ASCC3: variants seen among roughly 807,000 people sequenced by gnomAD.
The protein encoded by ASCC3 is activating signal cointegrator 1 complex subunit 3.
In ASCC3, 158 loss-of-function variants were observed where a neutral mutation model predicts 256.3. That is an observed-to-expected ratio of 0.62 (90% CI 0.54 to 0.70). The LOEUF (loss-of-function observed/expected upper bound fraction) is 0.70. Ranked by LOEUF, ASCC3 falls within the 30% of genes least tolerant of loss-of-function variation. The probability of loss-of-function intolerance (pLI) is 0.00; values close to 1 mark genes in which losing one functional copy is unlikely to be tolerated. For synonymous variants in ASCC3, 948 were observed against 883.4 expected (o/e 1.07, Z -1.30); for missense variants, 2,259 against 2,626.0 (o/e 0.86, Z 3.05).
chr6:100,805,843 A>T lies in ASCC3; in HGVS notation c.839T>A (p.Ile280Asn). The T allele has an allele frequency of 6.2e-7, 1 of 1,611,626 alleles. No homozygotes were observed. Among genetic ancestry groups the T allele is most frequent in the African/African-American group, 1.3e-5 (1 of 74,938 alleles). Reference sequence around the variant, plus strand: ...AATTCTGTTCTGGAGGAGTTTCTCAATAAGTTCAAGTCCTTCAGGTCCCAG... The same window carrying T: ...AATTCTGTTCTGGAGGAGTTTCTCATTAAGTTCAAGTCCTTCAGGTCCCAG... ...ELLGPEGLEL[I>N]EKLLQNRITI... Residue 280 changes from isoleucine to asparagine, a missense_variant, in exon 5 of 42, where the codon ATT (isoleucine) becomes AAT (asparagine). Ile to Asn is a moderately radical substitution (Grantham distance 149). This residue lies in a region of ASCC3 where 420 missense variants were observed against 419.3 expected (regional missense o/e 1.00). Coordinates refer to ENST00000369162, the MANE Select transcript of ASCC3 (RefSeq NM_006828.4).
At chr6:100,660,839 C>A (rs1776156950) in intron 16 of ASCC3, among the ~76,000 whole-genome samples, 2 of 151,718 alleles carry the variant, frequency 1.3e-5, no homozygotes, top group Non-Finnish European at 3.0e-5. Flanking sequence ...AATCCTTCTA[C>A]AGAACTGTCT....
intron 2 of ASCC3, among the ~76,000 whole-genome samples, chr6:100,865,723 T>A (rs1333033528): frequency 2.0e-5 from 3 of 152,108 alleles, no homozygotes; most frequent in Non-Finnish European, 4.4e-5. Context: ...TAGATTCAAA[T>A]GAGTCAGCAA....
At chr6:100,681,315 T>A (rs991015377) in intron 13 of ASCC3, among the ~76,000 whole-genome samples, 5 of 152,094 alleles carry the variant, frequency 3.3e-5, no homozygotes, top group African/African-American at 1.2e-4. Flanking sequence ...CTGCAAGTCA[T>A]CAGGAGAAAT....
chr6:100,512,589 C>G (rs1309001693), intron 40 of ASCC3, 120 bp downstream of exon 40: 49 of 1,053,688 alleles, frequency 4.7e-5, no homozygotes, highest in Non-Finnish European at 6.8e-5. Flanking sequence ...CTGCTTAAGA[C>G]CAGTTGAGAA....
chr6:100,864,016 C>G, intron 3 of ASCC3, 48 bp downstream of exon 3: 1 of 1,404,102 alleles, frequency 7.1e-7, no homozygotes, highest in Non-Finnish European at 9.6e-7. Context: ...TGTTTTTGAA[C>G]CTTACTGGTT....
chr6:100,743,941 T>C, intron 10 of ASCC3, among the ~76,000 whole-genome samples: 1 of 152,206 alleles, frequency 6.6e-6, no homozygotes, highest in East Asian at 1.9e-4. Context: ...ATTACCATCA[T>C]GCAGGGTTTT....
At chr6:100,715,731 A>G (rs1779060447) in intron 12 of ASCC3, among the ~76,000 whole-genome samples, 198 bp from the exon 13 acceptor site, 1 of 151,744 alleles carries the variant, frequency 6.6e-6, no homozygotes, top group South Asian at 2.1e-4. Context: ...GTACAAATAG[A>G]GTAACTCAGA....
chr6:100,585,429 A>G (rs1289002980), intron 36 of ASCC3, among the ~76,000 whole-genome samples: 1 of 152,180 alleles, frequency 6.6e-6, no homozygotes, highest in Non-Finnish European at 1.5e-5. Flanking sequence ...TTTCAGCTCC[A>G]TCAGCTCCTT....
chr6:100,655,745 A>T lies in ASCC3; in HGVS notation c.2777T>A (p.Met926Lys). The T allele has an allele frequency of 6.2e-7, 1 of 1,611,814 alleles. No individual in the cohort carries two copies. ...GCCATATGCTAATGGATTTGCTCTCATCCGTACATAAAGATAAGTGTAACT... is the reference window on the plus strand; with the variant it reads ...GCCATATGCTAATGGATTTGCTCTCTTCCGTACATAAAGATAAGTGTAACT... ...WISYTYLYVR[M>K]RANPLAYGIS... is the part of the protein sequence containing the mutation. Residue 926 changes from methionine to lysine, a missense_variant, in exon 17 of 42, where the codon ATG becomes AAG. Met to Lys is a moderately conservative substitution (Grantham distance 95). This residue lies in a region of ASCC3 where 1,839 missense variants were observed against 2,206.7 expected (regional missense o/e 0.83). Transcript: ENST00000369162.
intron 1 of ASCC3, among the ~76,000 whole-genome samples, chr6:100,876,275 T>C (rs1303475164): frequency 6.6e-6 from 1 of 152,156 alleles, no homozygotes; most frequent in Non-Finnish European, 1.5e-5. Context: ...ATTTGAGATA[T>C]GCTAAGACTG....
intron 37 of ASCC3, among the ~76,000 whole-genome samples, chr6:100,533,778 CT>C (rs1775029424): frequency 6.6e-6 from 1 of 152,138 alleles, no homozygotes. Flanking sequence ...TACTATTTGG[CT>C]TAGTATTATA....
chr6:100,765,906 A>G (rs887682063), intron 10 of ASCC3, among the ~76,000 whole-genome samples: 16 of 152,212 alleles, frequency 1.1e-4, no homozygotes, highest in African/African-American at 3.9e-4. Context: ...GAATTTTTCC[A>G]TTAATATCTG....
At chr6:100,870,217 ATTTTTAATGCAT>A (rs1313019528) in intron 1 of ASCC3, among the ~76,000 whole-genome samples, 10 of 150,712 alleles carry the variant, frequency 6.6e-5, no homozygotes, top group African/African-American at 2.4e-4. Context: ...TTAAAAATGC[ATTTTTAATGCAT>A]TTTTTAATGC....
In ASCC3 at chr6:100,687,030, T is replaced by TCACACACACACACACA. The variant is rs1164501730; in HGVS notation, c.2152-7279_2152-7278insTGTGTGTGTGTGTGTG. 7.9e-3 allele frequency among the ~76,000 whole-genome samples: 1,020 copies of TCACACACACACACACA among 129,132 alleles called. 9 individuals are homozygous for TCACACACACACACACA. The highest frequency in any genetic ancestry group is 0.012 in the Middle Eastern group (3 of 252). The allele number at this position is 129,132 out of a possible 152,430, so 84.7% of individuals were successfully genotyped here. Reference sequence around the variant, plus strand: ...ACTTAAATCTCTCTCTCTCTCTCTCTCTCTCACACACACACACACACACAC... The same window carrying TCACACACACACACACA: ...ACTTAAATCTCTCTCTCTCTCTCTCTCACACACACACACACACTCTCACACACACACACACACACAC... On this transcript the variant is annotated intron_variant, in intron 13 of 41. Coordinates refer to ENST00000369162, the MANE Select transcript of ASCC3 (RefSeq NM_006828.4).
rs879425522 is a variant in ASCC3, at chr6:100,607,678, T to C, written c.4786-590A>G. Among the ~76,000 whole-genome samples, 18 of 151,984 alleles carry C rather than the reference T, an allele frequency of 1.2e-4. No homozygotes were observed. In the Middle Eastern group the frequency reaches 0.01, roughly 86 times the overall value. On this transcript the variant is annotated intron_variant, in intron 30 of 41. Transcript: ENST00000369162. ...TAAAGCCCTGTAATAGTAAATACTA[T>C]TATTCATCCTATATGTAAATTTAGT...
chr6:100,547,260 A>C (rs1471012350), intron 36 of ASCC3, among the ~76,000 whole-genome samples: 11 of 152,018 alleles, frequency 7.2e-5, no homozygotes, highest in Non-Finnish European at 1.5e-4. Flanking sequence ...AAAATCTAAA[A>C]CTTTAAAAGT....
chr6:100,781,550 AT>A (rs11289263), intron 8 of ASCC3, among the ~76,000 whole-genome samples: 71,169 of 130,830 alleles, frequency 0.54, 19,344 homozygotes, highest in South Asian at 0.67. Context: ...CGCCTGGCTA[AT>A]TTTTTTTTTT....
At chr6:100,561,983 AG>A in intron 36 of ASCC3, among the ~76,000 whole-genome samples, 1 of 152,258 alleles carries the variant, frequency 6.6e-6, no homozygotes, top group East Asian at 1.9e-4. Context: ...ATAGAACATA[AG>A]AAAGCATAAC....
intron 36 of ASCC3, among the ~76,000 whole-genome samples, chr6:100,558,770 A>G (rs1338070336): frequency 6.6e-6 from 1 of 152,128 alleles, no homozygotes; most frequent in South Asian, 2.1e-4. Context: ...TTAACTCCTC[A>G]GTTATTTATC....
Sources: allele counts gnomAD v4.1 joint callset (sites outside exome capture counted in the v4.1 genomes callset), GRCh38; gene constraint gnomAD v4.1.1; regional missense constraint gnomAD v4.1.1; transcripts MANE v1.5; gene names NCBI Gene and HGNC (gene_info 2026-07-23, HGNC 2026-07-21).